The following TRPM3 variants were observed in gnomAD, a reference collection of about 807,000 sequenced individuals.
The protein encoded by TRPM3 is transient receptor potential cation channel subfamily M member 3, also known as long transient receptor potential channel 3.
In TRPM3, 77 loss-of-function variants were observed where a neutral mutation model predicts 181.2. The observed-to-expected ratio is 0.42, with a 90% CI of 0.35 to 0.51. The LOEUF (loss-of-function observed/expected upper bound fraction) is 0.51, where lower values mean the gene tolerates loss of function less well. Among genes scored for constraint, TRPM3 ranks in the 20% least tolerant of loss-of-function variants. The pLI, the probability that TRPM3 is intolerant of heterozygous loss-of-function variation, is 0.01. For missense variants in TRPM3, 1,759 were observed against 2,196.7 expected (o/e 0.80, Z 3.98); for synonymous variants, 745 against 796.4 (o/e 0.94, Z 1.09).
rs566470857 is a variant in TRPM3, at chr9:71,435,290, T to C, written c.183+11363A>G. 1.3e-4 allele frequency among the ~76,000 whole-genome samples: 20 copies of C among 152,362 alleles called. No homozygotes were observed. In the South Asian group the frequency reaches 3.5e-3, roughly 27 times the overall value. On this transcript the variant is annotated intron_variant, in intron 1 of 24. Transcript: ENST00000357533. ...AATAGTCTTACAAGATATCATGTTA[T>C]ATGCCAAATTCTAGTTTCATTTCTC...
chr9:71,429,634 G>T (rs1230027274), intron 1 of TRPM3, among the ~76,000 whole-genome samples: 1 of 152,104 alleles, frequency 6.6e-6, no homozygotes, highest in Non-Finnish European at 1.5e-5. Context: ...ACATTTTACG[G>T]TTCTGTTTGT....
chr9:70,987,105 A>G (rs767027076), intron 1 of TRPM3, among the ~76,000 whole-genome samples: 19 of 152,074 alleles, frequency 1.2e-4, no homozygotes, highest in Non-Finnish European at 2.2e-4. Context: ...TGTATTATTT[A>G]TCTCTTCCAG....
At chr9:70,538,438 AGTTT>A (rs953340170) in intron 25 of TRPM3, among the ~76,000 whole-genome samples, 8 of 148,174 alleles carry the variant, frequency 5.4e-5, no homozygotes, top group South Asian at 2.2e-4. Context: ...GCCTTTTGTT[AGTTT>A]GTTTGAGACA....
rs549427888 is a variant in TRPM3, at chr9:70,604,217, T to C, written c.2668-747A>G. 7.2e-5 allele frequency among the ~76,000 whole-genome samples: 11 copies of C among 152,296 alleles called. No individual in the cohort carries two copies. The South Asian group carries it at 2.3e-3, about 32-fold the overall frequency. On this transcript the variant is annotated intron_variant, in intron 19 of 25. Transcript: ENST00000677713. ...ATCCTGATGTGACTGGCTGAATTGCTGGATGTCTGGGAAGAACTCCCTAGG... is the reference window on the plus strand; with the variant it reads ...ATCCTGATGTGACTGGCTGAATTGCCGGATGTCTGGGAAGAACTCCCTAGG...
At chr9:71,340,846 T>C (rs981159907) in intron 1 of TRPM3, among the ~76,000 whole-genome samples, 39 of 152,204 alleles carry the variant, frequency 2.6e-4, no homozygotes, top group African/African-American at 9.1e-4. Context: ...CTTGTAGAAG[T>C]GGTCATTCTA....
intron 1 of TRPM3, among the ~76,000 whole-genome samples, chr9:70,879,782 A>G (rs1358334020): frequency 2.6e-5 from 4 of 152,156 alleles, no homozygotes; most frequent in Admixed American, 2.6e-4. Flanking sequence ...CATAAATGGA[A>G]CCATTAAGCC....
chr9:70,908,789 A>G (rs2096501610), intron 1 of TRPM3, among the ~76,000 whole-genome samples: 3 of 152,232 alleles, frequency 2.0e-5, no homozygotes, highest in Admixed American at 2.0e-4. Context: ...ATAATAGACC[A>G]ATGGAACAGA....
chr9:70,625,962 T>C lies in TRPM3; in HGVS notation c.1633-445A>G, dbSNP rs556364766. On this transcript the variant is annotated intron_variant, in intron 12 of 25. Transcript: ENST00000677713. This position sits in a 1 kb window ranked among gnomAD's most constrained non-coding sequence, Gnocchi z 4.8. ...TTGGGTGTCAGAATGAGGTTGTATA[T>C]GAACATCCCTTGCATTTAAAGAGAA... Among the ~76,000 whole-genome samples the C allele has an allele frequency of 1.3e-5, 2 of 152,304 alleles. No homozygotes were observed. The highest frequency in any genetic ancestry group is 4.1e-4 in the South Asian group (2 of 4,824).
chr9:71,121,088 C>T lies in TRPM3; in HGVS notation c.177+90G>A, dbSNP rs916867913. On this transcript the variant is annotated intron_variant, in intron 1 of 25. Coordinates refer to ENST00000677713, the MANE Select transcript of TRPM3 (RefSeq NM_001366145.2). ...CAGTACTGCATGCATTTAGGCTCCC[C>T]CAAAGGTGCGTCCCAGCCCAAGTCC... 3 of 1,366,046 alleles carry T rather than the reference C, an allele frequency of 2.2e-6. No homozygotes were observed. The African/African-American group carries it at 4.3e-5, about 20-fold the overall frequency. 84.6% of individuals were successfully genotyped at this position (1,366,046 alleles called of 1,614,324 possible). A position where few individuals can be genotyped will look rare whatever the true frequency, so the allele number is the denominator to read the frequency against.
At chr9:70,918,757 A>C (rs1375639694) in intron 1 of TRPM3, among the ~76,000 whole-genome samples, 8 of 152,226 alleles carry the variant, frequency 5.3e-5, no homozygotes, top group African/African-American at 1.9e-4. Flanking sequence ...AAGAAAAGAA[A>C]TAATAAAGAT....
intron 1 of TRPM3, among the ~76,000 whole-genome samples, chr9:71,002,613 T>A (rs2134249591): frequency 6.6e-6 from 1 of 152,304 alleles, no homozygotes; most frequent in Non-Finnish European, 1.5e-5. Context: ...TCCCCTATCA[T>A]ACCTATAGTA....
chr9:71,383,697 G>A (rs1332044126), intron 1 of TRPM3, among the ~76,000 whole-genome samples: 1 of 152,030 alleles, frequency 6.6e-6, no homozygotes, highest in South Asian at 2.1e-4. Context: ...TTATAGTTTT[G>A]TAAGTTGTAC....
chr9:70,954,773 G>A (rs1160088660), intron 1 of TRPM3, among the ~76,000 whole-genome samples: 2 of 152,126 alleles, frequency 1.3e-5, no homozygotes, highest in Non-Finnish European at 2.9e-5. Context: ...GCTGTCAACT[G>A]CACATCACCA....
At chr9:71,396,980 A>T (rs574186497) in intron 1 of TRPM3, among the ~76,000 whole-genome samples, 20 of 152,054 alleles carry the variant, frequency 1.3e-4, no homozygotes, top group African/African-American at 4.6e-4. Flanking sequence ...AAAAAAAAAA[A>T]AATTAAGCCT....
chr9:70,824,123 G>T (rs1371731806), intron 6 of TRPM3, among the ~76,000 whole-genome samples: 4 of 152,156 alleles, frequency 2.6e-5, no homozygotes, highest in Non-Finnish European at 5.9e-5. Context: ...TTCTTCAGAA[G>T]ATTATACCAT....
At chr9:70,935,944 C>T (rs2096825186) in intron 1 of TRPM3, among the ~76,000 whole-genome samples, 1 of 152,134 alleles carries the variant, frequency 6.6e-6, no homozygotes. Context: ...ACTGACAGTA[C>T]AAAAAGGCCT....
chr9:71,055,336 T>C (rs2060538703), intron 1 of TRPM3, among the ~76,000 whole-genome samples: 1 of 152,022 alleles, frequency 6.6e-6, no homozygotes, highest in Admixed American at 6.6e-5. Context: ...GAAGAGGCTG[T>C]CTGAAGATAA....
At chr9:70,623,510 T>C (rs2063966329) in intron 14 of TRPM3, among the ~76,000 whole-genome samples, 1 of 152,156 alleles carries the variant, frequency 6.6e-6, no homozygotes, top group Non-Finnish European at 1.5e-5. Context: ...AAGATGTAAT[T>C]GGGTTTGGCA....
chr9:71,038,412 G>A (rs543963407), intron 1 of TRPM3, among the ~76,000 whole-genome samples: 22 of 152,248 alleles, frequency 1.4e-4, no homozygotes, highest in East Asian at 9.6e-4. Context: ...TCCAGTAATC[G>A]TTTTCATTAT....
Sources: gnomAD v4.1 joint callset for allele counts (sites outside exome capture counted in the v4.1 genomes callset) on GRCh38, gnomAD v4.1.1 for gene constraint, Gnocchi (gnomAD v3.1) non-coding constraint, MANE v1.5 for transcripts, NCBI Gene and HGNC (gene_info 2026-07-23, HGNC 2026-07-21) for gene names.